GPC6: variants seen among roughly 807,000 people sequenced by gnomAD.
GPC6 encodes the protein glypican 6, also known as glypican-6.
A neutral mutation model predicts 55.2 loss-of-function variants in GPC6; 14 were observed. The ratio of observed to expected loss-of-function variants is 0.25; its 90% confidence interval spans 0.17 to 0.40. The LOEUF (loss-of-function observed/expected upper bound fraction) is 0.40, where lower values mean the gene tolerates loss of function less well. Ranked by LOEUF, GPC6 falls within the 10% of genes least tolerant of loss-of-function variation. The pLI, the probability that GPC6 is intolerant of heterozygous loss-of-function variation, is 1.00. For missense variants in GPC6, 641 were observed against 708.5 expected (o/e 0.90, Z 1.08); for synonymous variants, 278 against 259.6 (o/e 1.07, Z -0.68).
At chr13:93,658,536 CTT>C (rs1255990594) in intron 2 of GPC6, among the ~76,000 whole-genome samples, 1 of 151,680 alleles carries the variant, frequency 6.6e-6, no homozygotes, top group Non-Finnish European at 1.5e-5. Flanking sequence ...TCATGTCACT[CTT>C]TTGTCAAATC....
At chr13:93,269,835 T>C (rs1250541009) in intron 1 of GPC6, among the ~76,000 whole-genome samples, 56 of 128,318 alleles carry the variant, frequency 4.4e-4, no homozygotes, top group African/African-American at 1.6e-3. Context: ...GAGCTTGCAA[T>C]GAGCCTAGAT....
chr13:93,929,717 G>T (rs1334355842), intron 3 of GPC6, among the ~76,000 whole-genome samples: 1 of 151,516 alleles, frequency 6.6e-6, no homozygotes, highest in East Asian at 1.9e-4. Context: ...ATTTTAAAAT[G>T]TCTAATAGCC....
At chr13:93,597,536 G>A (rs942125081) in intron 2 of GPC6, among the ~76,000 whole-genome samples, 1 of 152,236 alleles carries the variant, frequency 6.6e-6, no homozygotes, top group African/African-American at 2.4e-5. Flanking sequence ...AGCAACATAT[G>A]TTTGAACTGC....
intron 4 of GPC6, among the ~76,000 whole-genome samples, chr13:94,282,241 C>T (rs1440749125): frequency 6.6e-6 from 1 of 152,152 alleles, no homozygotes; most frequent in Middle Eastern, 3.2e-3. Flanking sequence ...CACAGTTCTG[C>T]ATGGCTGGGG....
intron 4 of GPC6, among the ~76,000 whole-genome samples, chr13:94,103,967 G>A (rs1352902255): frequency 6.6e-6 from 1 of 152,174 alleles, no homozygotes; most frequent in African/African-American, 2.4e-5. Flanking sequence ...CCATGCCTAT[G>A]TCCTGAATGG....
At chr13:93,262,663 A>T (rs546261988) in intron 1 of GPC6, among the ~76,000 whole-genome samples, 2 of 152,334 alleles carry the variant, frequency 1.3e-5, no homozygotes, top group African/African-American at 2.4e-5. Context: ...TACTTAATTT[A>T]TCTGGAAATG....
At chr13:93,268,587 G>A (rs1332849976) in intron 1 of GPC6, among the ~76,000 whole-genome samples, 13 of 152,032 alleles carry the variant, frequency 8.6e-5, no homozygotes, top group East Asian at 3.9e-4. Flanking sequence ...GGTGAATTTA[G>A]GAAAGAGAGT....
chr13:94,303,698 G>C (rs558674925), intron 5 of GPC6, among the ~76,000 whole-genome samples: 56 of 145,342 alleles, frequency 3.9e-4, no homozygotes, highest in Admixed American at 1.1e-3. Flanking sequence ...ATCCAAACCT[G>C]ACCTAAATAA....
intron 1 of GPC6, among the ~76,000 whole-genome samples, chr13:93,492,459 G>A (rs9561370): frequency 2.9e-4 from 44 of 150,184 alleles, no homozygotes; most frequent in Admixed American, 1.5e-3. Context: ...CAATCATGTC[G>A]TCTGCAAACA....
At chr13:93,474,644 G>A (rs1377836054) in intron 1 of GPC6, among the ~76,000 whole-genome samples, 1 of 152,038 alleles carries the variant, frequency 6.6e-6, no homozygotes, top group Admixed American at 6.6e-5. Flanking sequence ...CTCATTATTG[G>A]ATTAATGGTA....
intron 3 of GPC6, among the ~76,000 whole-genome samples, chr13:93,961,416 C>A (rs2140383877): frequency 6.6e-6 from 1 of 152,284 alleles, no homozygotes; most frequent in African/African-American, 2.4e-5. Context: ...TAAAATATGG[C>A]TTTACATGAA....
chr13:94,211,879 A>G (rs1388501108), intron 4 of GPC6, among the ~76,000 whole-genome samples: 1 of 152,226 alleles, frequency 6.6e-6, no homozygotes, highest in Admixed American at 6.5e-5. Flanking sequence ...TCTGTGAAAC[A>G]TTGGATGTGT....
intron 3 of GPC6, among the ~76,000 whole-genome samples, chr13:93,865,759 C>A (rs1888946886): frequency 6.6e-6 from 1 of 151,642 alleles, no homozygotes; most frequent in Non-Finnish European, 1.5e-5. Flanking sequence ...AGAGCTAATT[C>A]AAAGGCAGGA....
chr13:94,148,814 C>T (rs960474217), intron 4 of GPC6, among the ~76,000 whole-genome samples: 2 of 152,204 alleles, frequency 1.3e-5, no homozygotes, highest in African/African-American at 4.8e-5. Context: ...AGTTTACTCC[C>T]TGGCTTTGTG....
intron 1 of GPC6, among the ~76,000 whole-genome samples, chr13:93,398,971 A>C (rs1442371409): frequency 6.6e-6 from 1 of 152,124 alleles, no homozygotes; most frequent in African/African-American, 2.4e-5. Flanking sequence ...TCATTATCTC[A>C]GGCCAGAAAG....
chr13:93,320,398 C>T (rs1038716353), intron 1 of GPC6, among the ~76,000 whole-genome samples: 1 of 151,498 alleles, frequency 6.6e-6, no homozygotes, highest in Non-Finnish European at 1.5e-5. Flanking sequence ...AAAGAAAGTG[C>T]TCAAAGTAAA....
At chr13:94,178,199 A>T (rs566685977) in intron 4 of GPC6, among the ~76,000 whole-genome samples, 41 of 151,898 alleles carry the variant, frequency 2.7e-4, no homozygotes, top group African/African-American at 9.0e-4. Flanking sequence ...GGGTTTCACT[A>T]TGTTGGCCAG....
chr13:93,701,603 A>C lies in GPC6; in HGVS notation c.320-128551A>C, dbSNP rs114468886. The stretch of plus-strand genomic sequence containing the variant: ...TCACAAATCTTTCACAAAAAGATTT[A>C]TCTGTAGCATGCAATGTTATTCAGT... On this transcript the variant is annotated intron_variant, in intron 2 of 8. Transcript: ENST00000377047. Among the ~76,000 whole-genome samples, 734 of 152,192 alleles carry C rather than the reference A, an allele frequency of 4.8e-3. 5 individuals carry two copies. Among genetic ancestry groups the C allele is most frequent in the African/African-American group, 0.016 (676 of 41,564 alleles).
chr13:93,300,354 T>TTTAAGAATAGGAGGC (rs1878631291), intron 1 of GPC6, among the ~76,000 whole-genome samples: 2 of 151,998 alleles, frequency 1.3e-5, no homozygotes, highest in East Asian at 3.9e-4. Flanking sequence ...TGAATTGAGG[T>TTTAAGAATAGGAGGC]TTAAGAATAG....
Sources: allele counts gnomAD v4.1 joint callset (sites outside exome capture counted in the v4.1 genomes callset), GRCh38; gene constraint gnomAD v4.1.1; transcripts MANE v1.5; gene names NCBI Gene and HGNC (gene_info 2026-07-23, HGNC 2026-07-21).